The following CSMD2 variants were observed in gnomAD, a reference collection of about 807,000 sequenced individuals.
CSMD2 encodes CUB and sushi domain-containing protein 2.
Under a neutral mutation model 398.5 loss-of-function variants are expected in CSMD2, and 130 were observed. The ratio of observed to expected loss-of-function variants is 0.33; its 90% CI spans 0.28 to 0.38. The LOEUF is 0.38. CSMD2 is among the 10% of genes least tolerant of loss of function. The pLI is 1.00. For missense variants in CSMD2, 3,829 were observed against 4,764.9 expected (o/e 0.80, Z 5.78); for synonymous variants, 1,828 against 1,908.5 (o/e 0.96, Z 1.10).
Position 33,635,988 on chromosome 1 carries a change from T to C in CSMD2, c.4969+372A>G, listed in dbSNP as rs1043152487. 6.6e-6 allele frequency among the ~76,000 whole-genome samples: 1 copy of C among 152,160 alleles called. No homozygotes were observed. The highest frequency in any genetic ancestry group is 2.4e-5 in the African/African-American group (1 of 41,432). The stretch of plus-strand genomic sequence containing the variant: ...TGGAATCAGCACACCCTGCGGGCCT[T>C]ACTTCAACATATCTGATCTCTCAGT... On this transcript the variant is annotated intron_variant, in intron 30 of 70. Transcript: ENST00000373381. This position sits in a 1 kb window ranked among gnomAD's most constrained non-coding sequence, Gnocchi z 5.0.
At chr1:33,787,095 A>G (rs1382476301) in intron 12 of CSMD2, among the ~76,000 whole-genome samples, 1 of 152,182 alleles carries the variant, frequency 6.6e-6, no homozygotes, top group Non-Finnish European at 1.5e-5. Context: ...GTGATGACAA[A>G]GGCAGAGACT....
intron 4 of CSMD2, among the ~76,000 whole-genome samples, chr1:33,922,189 T>G (rs1192882169): frequency 3.3e-5 from 5 of 151,910 alleles, no homozygotes; most frequent in African/African-American, 1.2e-4. Context: ...CCAGAGACTG[T>G]GAGGCAGGGA....
At chr1:33,630,839 A>G (rs1198759572) in intron 32 of CSMD2, among the ~76,000 whole-genome samples, 2 of 152,202 alleles carry the variant, frequency 1.3e-5, no homozygotes, top group East Asian at 1.9e-4. Context: ...AAACAACACC[A>G]TGATGAGCTA....
intron 5 of CSMD2, among the ~76,000 whole-genome samples, chr1:33,877,376 TC>T (rs1640911109): frequency 3.9e-5 from 6 of 152,056 alleles, no homozygotes; most frequent in Admixed American, 3.9e-4. Flanking sequence ...ACTGGACTTG[TC>T]CCCCTTGTCG....
At chr1:33,569,127 C>T (rs1659338806) in intron 52 of CSMD2, among the ~76,000 whole-genome samples, 1 of 152,174 alleles carries the variant, frequency 6.6e-6, no homozygotes, top group South Asian at 2.1e-4. Context: ...GTCTTTCTAA[C>T]CAGAATGAGA....
chr1:34,144,612 C>T (rs922540115), intron 1 of CSMD2, among the ~76,000 whole-genome samples: 31 of 152,206 alleles, frequency 2.0e-4, no homozygotes, highest in Admixed American at 2.0e-3. Context: ...TGCCACATAT[C>T]CAAAGCCATG....
chr1:33,947,804 C>T (rs149681617), intron 3 of CSMD2, among the ~76,000 whole-genome samples: 15 of 152,356 alleles, frequency 9.8e-5, no homozygotes, highest in African/African-American at 3.1e-4. Context: ...TTACGGACCA[C>T]TTCTATGACA....
At chr1:33,603,702 A>G (rs572112850) in intron 42 of CSMD2, among the ~76,000 whole-genome samples, 70 of 152,338 alleles carry the variant, frequency 4.6e-4, no homozygotes, top group African/African-American at 1.6e-3. Flanking sequence ...CACAGGCTGG[A>G]CCATGTCATC....
intron 26 of CSMD2, among the ~76,000 whole-genome samples, chr1:33,660,029 G>A (rs958425143): frequency 6.6e-6 from 1 of 152,230 alleles, no homozygotes. Flanking sequence ...CTGTACACAT[G>A]TAAATGTTCC....
chr1:33,913,798 C>T (rs1477133021), intron 5 of CSMD2, among the ~76,000 whole-genome samples: 2 of 151,986 alleles, frequency 1.3e-5, no homozygotes, highest in Non-Finnish European at 2.9e-5. Context: ...GTCTGGCTTT[C>T]CCTCCTCTCT....
intron 4 of CSMD2, among the ~76,000 whole-genome samples, chr1:33,932,577 G>A (rs553017435): frequency 3.9e-5 from 6 of 152,070 alleles, no homozygotes; most frequent in African/African-American, 9.7e-5. Flanking sequence ...TCCTTCCCTC[G>A]GAAGGGCCAG....
At chr1:33,994,458 A>G (rs1464845278) in intron 3 of CSMD2, among the ~76,000 whole-genome samples, 1 of 151,988 alleles carries the variant, frequency 6.6e-6, no homozygotes, top group African/African-American at 2.4e-5. Flanking sequence ...CCGTTTTCAC[A>G]GTTGTCTTTT....
Position 33,537,332 on chromosome 1 carries a change from G to C in CSMD2, c.9805+104C>G, listed in dbSNP as rs901058895. 1 of 1,310,796 alleles carries C rather than the reference G, an allele frequency of 7.6e-7. No individual in the cohort carries two copies. The highest frequency in any genetic ancestry group is 1.1e-6 in the Non-Finnish European group (1 of 938,948). The allele number at this position is 1,310,796 out of a possible 1,614,324, so 81.2% of individuals were successfully genotyped here. ...AGAGGATGAGATGTTCCCTTTTGCA[G>C]ATGAGACCACTGAAGACAGGGAAGG... On this transcript the variant is annotated intron_variant, in intron 61 of 70. Transcript: ENST00000373381. This position sits in a 1 kb window ranked among gnomAD's most constrained non-coding sequence, Gnocchi z 4.6.
chr1:34,077,736 C>CAAAA (rs59532141), intron 2 of CSMD2, among the ~76,000 whole-genome samples: 8 of 38,370 alleles, frequency 2.1e-4, no homozygotes, highest in East Asian at 1.1e-3. Context: ...GACTCCATCT[C>CAAAA]AAAAAAAAAA....
intron 2 of CSMD2, among the ~76,000 whole-genome samples, chr1:34,040,207 T>TAA (rs5773448): frequency 8.4e-4 from 125 of 148,796 alleles, no homozygotes; most frequent in African/African-American, 2.7e-3. Context: ...AAAATTAAAT[T>TAA]AAAAAAAAAA....
intron 35 of CSMD2, 148 bp from the exon 36 acceptor site, chr1:33,623,614 G>A: frequency 1.6e-6 from 1 of 614,410 alleles, no homozygotes; most frequent in Non-Finnish European, 2.9e-6. Context: ...TTCAATAAAA[G>A]TAAGATGCAG....
intron 15 of CSMD2, among the ~76,000 whole-genome samples, chr1:33,731,898 T>C (rs963827380): frequency 2.0e-5 from 3 of 152,146 alleles, no homozygotes; most frequent in African/African-American, 4.8e-5. Flanking sequence ...TGACTGAAAT[T>C]TGCTGCGAAA....
chr1:34,035,258 A>C (rs1178876119), intron 2 of CSMD2, among the ~76,000 whole-genome samples: 1 of 152,158 alleles, frequency 6.6e-6, no homozygotes, highest in African/African-American at 2.4e-5. Context: ...GGCCTAGATG[A>C]TTTCACTAGA....
chr1:33,656,477 C>T (rs1643949832), intron 27 of CSMD2, among the ~76,000 whole-genome samples: 1 of 152,302 alleles, frequency 6.6e-6, no homozygotes, highest in African/African-American at 2.4e-5. Context: ...CACTGAGGAG[C>T]AGGATTTAGT....
Sources: gnomAD v4.1 joint callset for allele counts (sites outside exome capture counted in the v4.1 genomes callset) on GRCh38, gnomAD v4.1.1 for gene constraint, Gnocchi (gnomAD v3.1) non-coding constraint, MANE v1.5 for transcripts, NCBI Gene and HGNC (gene_info 2026-07-23, HGNC 2026-07-21) for gene names.